SPATA21: variants seen among roughly 807,000 people sequenced by gnomAD.
The protein encoded by SPATA21 is spermatogenesis associated 21.
Under a neutral mutation model 54.8 loss-of-function variants are expected in SPATA21, and 47 were observed. The observed-to-expected ratio is 0.86, with a 90% CI of 0.68 to 1.09. The LOEUF is 1.09. SPATA21 is among the 50% of genes least tolerant of loss of function. The pLI, the probability that SPATA21 is intolerant of heterozygous loss-of-function variation, is 0.00. For synonymous variants in SPATA21, 245 were observed against 235.3 expected (o/e 1.04, Z -0.38); for missense variants, 599 against 596.4 (o/e 1.00, Z -0.05).
intron 12 of SPATA21, 135 bp downstream of exon 12, chr1:16,399,209 C>T (rs1289473137): frequency 9.6e-7 from 1 of 1,041,720 alleles, no homozygotes; most frequent in East Asian, 2.6e-5. Flanking sequence ...CGCCTTTTAC[C>T]CTTTCTCCTC....
chr1:16,396,587 C>G (rs1425184739), downstream of SPATA21: 1 of 152,478 alleles, frequency 6.6e-6, no homozygotes, highest in Admixed American at 6.5e-5. Flanking sequence ...CTGATCCCTT[C>G]CGTTGCACTG....
Position 16,403,796 on chromosome 1 carries a change from A to G in SPATA21, c.932T>C (p.Leu311Pro), listed in dbSNP as rs1399057309. 1 of 1,613,036 alleles carries G rather than the reference A, an allele frequency of 6.2e-7. No homozygotes were observed. Residue 311 changes from leucine (L) to proline (P), a missense_variant, in exon 10 of 13, where the codon CTC (leucine) becomes CCC (proline). By Grantham distance (98) the Leu-to-Pro change is moderately conservative (BLOSUM62 -3). Transcript: ENST00000335496. Reference protein sequence around the residue: ...DMAPHNPHTLLFEILSLLVEM... With the variant: ...DMAPHNPHTLPFEILSLLVEM... ...TACCAGCAGGGACAGGATCTCAAAG[A>G]GTAGAGTGTGGGGGTTGTGGGGAGC...
At chr1:16,413,085 GA>G (rs1216183607) in intron 5 of SPATA21, among the ~76,000 whole-genome samples, 1 of 152,006 alleles carries the variant, frequency 6.6e-6, no homozygotes, top group Non-Finnish European at 1.5e-5. Flanking sequence ...CCCGGCCAAC[GA>G]TTTTTTTTTT....
At chr1:16,402,387 G>A (rs1374903389) in intron 10 of SPATA21, among the ~76,000 whole-genome samples, 1 of 145,868 alleles carries the variant, frequency 6.9e-6, no homozygotes, top group Non-Finnish European at 1.5e-5. Context: ...TCAGCCTCCC[G>A]AGTAGCTGGG....
At position 16,403,715 on chromosome 1, in the gene SPATA21, G is replaced by C. The variant is rs200157129; in HGVS notation, c.1001+12C>G. The C allele has an allele frequency of 6.2e-7, 1 of 1,607,472 alleles. No individual in the cohort carries two copies. Among genetic ancestry groups the C allele is most frequent in the Non-Finnish European group, 8.5e-7 (1 of 1,174,322 alleles). On this transcript the variant is annotated intron_variant, in intron 10 of 12. Transcript: ENST00000335496. ...CCACAACCCTTCACCCCCAACAACC[G>C]GCCCCACTCACTTTGTGATTTCCTC...
Position 16,402,905 on chromosome 1 carries a change from G to A in SPATA21, c.1001+822C>T, listed in dbSNP as rs116920310. 9.5e-3 allele frequency among the ~76,000 whole-genome samples: 1,444 copies of A among 152,256 alleles called. 9 individuals are homozygous for A. Among genetic ancestry groups the A allele is most frequent in the South Asian group, 0.019 (93 of 4,834 alleles). ...TGTATCACTACACTTCAGCCTGGGC[G>A]ACAGAGCGAGACCCGGCCACCTCTC... On this transcript the variant is annotated intron_variant, in intron 10 of 12. Coordinates refer to ENST00000335496, the MANE Select transcript of SPATA21 (RefSeq NM_198546.1).
chr1:16,434,455 G>A (rs114332384), intron 1 of SPATA21, among the ~76,000 whole-genome samples: 1,650 of 151,892 alleles, frequency 0.011, 29 homozygotes, highest in African/African-American at 0.038. Flanking sequence ...TGCCTGGTTC[G>A]TCTTAAAAAT....
intron 3 of SPATA21, among the ~76,000 whole-genome samples, chr1:16,430,388 G>T (rs528162039): frequency 1.3e-5 from 2 of 151,934 alleles, no homozygotes; most frequent in African/African-American, 4.8e-5. Flanking sequence ...AGTCGTGATC[G>T]CACCACTGCA....
At chr1:16,423,514 G>T (rs963019159) in intron 3 of SPATA21, among the ~76,000 whole-genome samples, 1 of 145,512 alleles carries the variant, frequency 6.9e-6, no homozygotes, top group Admixed American at 6.9e-5. Flanking sequence ...CACAATACAT[G>T]AATTTCTTTC....
At chr1:16,402,830 G>A (rs1207064944) in intron 10 of SPATA21, among the ~76,000 whole-genome samples, 2 of 152,206 alleles carry the variant, frequency 1.3e-5, no homozygotes, top group Non-Finnish European at 2.9e-5. Flanking sequence ...GGAAACTGAG[G>A]TGGGAGGATT....
Position 16,403,852 on chromosome 1 carries a change from C to T in SPATA21, c.884-8G>A, listed in dbSNP as rs2085536963. 6.2e-7 allele frequency: 1 copy of T among 1,609,370 alleles called. No individual in the cohort carries two copies. The highest frequency in any genetic ancestry group is 8.5e-7 in the Non-Finnish European group (1 of 1,177,216). ...CCGACAGGGCGTTCTGTTCTGGAGA[C>T]ATGGGATAGTGGCTGCCGTTACCAC... On this transcript the variant is annotated splice_polypyrimidine_tract_variant and splice_region_variant and intron_variant, in intron 9 of 12. Transcript: ENST00000335496.
Position 16,419,926 on chromosome 1 carries a change from ACT to A in SPATA21, c.144+1581_144+1582del, listed in dbSNP as rs761532597. 1.5e-3 allele frequency among the ~76,000 whole-genome samples: 230 copies of A among 151,952 alleles called. 4 individuals carry two copies. The highest frequency in any genetic ancestry group is 6.8e-3 in the Middle Eastern group (2 of 294). Reference sequence around the variant, plus strand: ...CTGCACTTCAGCCTGGGCAACAGAGACTCTGTCAATTCAAAAAAAGAAAAAGG... The same window carrying A: ...CTGCACTTCAGCCTGGGCAACAGAGACTGTCAATTCAAAAAAAGAAAAAGG... On this transcript the variant is annotated intron_variant, in intron 5 of 12. Transcript: ENST00000335496.
chr1:16,411,868 C>A (rs12757664), intron 5 of SPATA21, among the ~76,000 whole-genome samples: 2 of 150,778 alleles, frequency 1.3e-5, no homozygotes, highest in African/African-American at 4.9e-5. Context: ...TTCTCTGCTC[C>A]CCTTCTATTG....
Position 16,409,512 on chromosome 1 carries a change from C to G in SPATA21, c.587+89G>C, listed in dbSNP as rs987138004. 5 of 1,354,536 alleles carry G rather than the reference C, an allele frequency of 3.7e-6. No homozygotes were observed. The East Asian group carries it at 1.2e-4, about 34-fold the overall frequency. The allele number at this position is 1,354,536 out of a possible 1,614,324, so 83.9% of individuals were successfully genotyped here. A position where few individuals can be genotyped will look rare whatever the true frequency, so the allele number is the denominator to read the frequency against. ...AGAGGGGGACACACGAGGGAACAGG[C>G]AGGTGCAGGGACAGGGACCTGCATC... On this transcript the variant is annotated intron_variant, in intron 6 of 12. Transcript: ENST00000335496. The surrounding 1 kb of genome is among the most constrained non-coding windows in gnomAD (Gnocchi z 4.1).
In SPATA21 at chr1:16,431,366, G is replaced by T. The variant is rs765492475; in HGVS notation, c.6C>A (p.Asp2Glu). 8 of 1,614,046 alleles carry T rather than the reference G, an allele frequency of 5.0e-6. No individual in the cohort carries two copies. The South Asian group carries it at 8.8e-5, about 18-fold the overall frequency. Reference sequence around the variant, plus strand: ...CCGTGTACATCTGGGTGTTTCTATTGTCCATGATGCCAGCGCCAACACGGG... The same window carrying T: ...CCGTGTACATCTGGGTGTTTCTATTTTCCATGATGCCAGCGCCAACACGGG... M[D>E]NRNTQMYTEE... Residue 2 changes from aspartate (D) to glutamate (E), a missense_variant, in exon 3 of 13, where the codon GAC becomes GAA. Transcript: ENST00000335496.
Position 16,409,517 on chromosome 1 carries a change from G to GCAGGGA in SPATA21, c.587+78_587+83dup. The GCAGGGA allele has an allele frequency of 7.1e-7, 1 of 1,405,222 alleles. No homozygotes were observed. Among genetic ancestry groups the GCAGGGA allele is most frequent in the East Asian group, 2.5e-5 (1 of 40,806 alleles). 87.0% of individuals were successfully genotyped at this position (1,405,222 alleles called of 1,614,324 possible). Reference sequence around the variant, plus strand: ...GGGACACACGAGGGAACAGGCAGGTGCAGGGACAGGGACCTGCATCCGGGA... The same window carrying GCAGGGA: ...GGGACACACGAGGGAACAGGCAGGTGCAGGGACAGGGACAGGGACCTGCATCCGGGA... On this transcript the variant is annotated intron_variant, in intron 6 of 12. Transcript: ENST00000335496. This position sits in a 1 kb window ranked among gnomAD's most constrained non-coding sequence, Gnocchi z 4.1.
intron 5 of SPATA21, among the ~76,000 whole-genome samples, chr1:16,412,511 G>A (rs1490204527): frequency 6.6e-6 from 1 of 152,162 alleles, no homozygotes; most frequent in Non-Finnish European, 1.5e-5. Context: ...TGCCCAGGCT[G>A]GAGGGTAGTG....
Position 16,409,512 on chromosome 1 carries a change from C to T in SPATA21, c.587+89G>A, listed in dbSNP as rs987138004. Reference sequence around the variant, plus strand: ...AGAGGGGGACACACGAGGGAACAGGCAGGTGCAGGGACAGGGACCTGCATC... The same window carrying T: ...AGAGGGGGACACACGAGGGAACAGGTAGGTGCAGGGACAGGGACCTGCATC... On this transcript the variant is annotated intron_variant, in intron 6 of 12. Coordinates refer to ENST00000335496, the MANE Select transcript of SPATA21 (RefSeq NM_198546.1). This position sits in a 1 kb window ranked among gnomAD's most constrained non-coding sequence, Gnocchi z 4.1. 5.9e-6 allele frequency: 8 copies of T among 1,354,536 alleles called. No individual in the cohort carries two copies. The highest frequency in any genetic ancestry group is 6.0e-6 in the Non-Finnish European group (6 of 993,152). 83.9% of individuals were successfully genotyped at this position (1,354,536 alleles called of 1,614,324 possible). A position where few individuals can be genotyped will look rare whatever the true frequency, so the allele number is the denominator to read the frequency against.
At position 16,417,266 on chromosome 1, in the gene SPATA21, C is replaced by A. The variant is rs1570161764; in HGVS notation, c.144+4243G>T. 4.0e-5 allele frequency among the ~76,000 whole-genome samples: 6 copies of A among 151,526 alleles called. No homozygotes were observed. The East Asian group carries it at 1.2e-3, about 29-fold the overall frequency. On this transcript the variant is annotated intron_variant, in intron 5 of 12. Transcript: ENST00000335496. The stretch of plus-strand genomic sequence containing the variant: ...CCTGGCTGCCCTTTCTTTTCTTTGC[C>A]TTTTTTCTTTTGAGACGGAGTTTCA...
Sources: gnomAD v4.1 joint callset for allele counts (sites outside exome capture counted in the v4.1 genomes callset) on GRCh38, gnomAD v4.1.1 for gene constraint, Gnocchi (gnomAD v3.1) non-coding constraint, MANE v1.5 for transcripts, NCBI Gene and HGNC (gene_info 2026-07-23, HGNC 2026-07-21) for gene names.